Variants in ARHGAP10 observed in about 807,000 individuals in gnomAD.
ARHGAP10 encodes the protein rho GTPase-activating protein 10.
Under a neutral mutation model 108.6 loss-of-function variants are expected in ARHGAP10, and 87 were observed. The observed-to-expected ratio is 0.80, with a 90% CI of 0.67 to 0.96. ARHGAP10 has a LOEUF of 0.96. Ranked by LOEUF, ARHGAP10 falls within the 40% of genes least tolerant of loss-of-function variation. ARHGAP10 has a pLI of 0.00. For missense variants in ARHGAP10, 939 were observed against 954.5 expected (o/e 0.98, Z 0.21); for synonymous variants, 347 against 341.1 (o/e 1.02, Z -0.19).
At chr4:147,996,849 G>A (rs1164852091) in intron 18 of ARHGAP10, among the ~76,000 whole-genome samples, 1 of 152,170 alleles carries the variant, frequency 6.6e-6, no homozygotes, top group Admixed American at 6.5e-5. Flanking sequence ...CAGAGCAAAG[G>A]CCATGTTGTG....
rs553221390 is a variant in ARHGAP10, at chr4:147,873,469, T to C, written c.703-1552T>C. Among the ~76,000 whole-genome samples the C allele has an allele frequency of 4.6e-4, 69 of 150,704 alleles. 1 individual carries two copies. The highest frequency in any genetic ancestry group is 1.5e-3 in the African/African-American group (63 of 40,984). On this transcript the variant is annotated intron_variant, in intron 7 of 22. Coordinates refer to ENST00000336498, the MANE Select transcript of ARHGAP10 (RefSeq NM_024605.4). ...GGGGGGAAATGAGGGTTGATGAGGG[T>C]TGGAAGGAATCTCAGCAAAATGACC...
intron 18 of ARHGAP10, among the ~76,000 whole-genome samples, chr4:147,982,546 C>CTTTTTTTTTTTTTTTTTTTTTTT (rs753773443): frequency 1.5e-5 from 1 of 66,270 alleles, no homozygotes; most frequent in African/African-American, 7.1e-5. Flanking sequence ...CCAGCTAAAT[C>CTTTTTTTTTTTTTTTTTTTTTTT]TTTTTTTTTT....
At chr4:147,810,750 A>C (rs563448941) in intron 1 of ARHGAP10, among the ~76,000 whole-genome samples, 127 of 152,324 alleles carry the variant, frequency 8.3e-4, no homozygotes, top group Admixed American at 2.5e-3. Context: ...GAGGGCCCTC[A>C]GTGACTGTCC....
At chr4:147,978,381 T>C (rs1250702286) in intron 18 of ARHGAP10, among the ~76,000 whole-genome samples, 1 of 152,118 alleles carries the variant, frequency 6.6e-6, no homozygotes, top group African/African-American at 2.4e-5. Context: ...TGGTGTGAGA[T>C]GGTGATATGG....
At chr4:148,070,491 A>C (rs929957670) in intron 22 of ARHGAP10, among the ~76,000 whole-genome samples, 1 of 152,206 alleles carries the variant, frequency 6.6e-6, no homozygotes, top group African/African-American at 2.4e-5. Flanking sequence ...GACAATTAGA[A>C]TTGGATTGTC....
At chr4:147,880,804 TTATCGGTG>T (rs1212128713) in intron 9 of ARHGAP10, among the ~76,000 whole-genome samples, 2 of 152,138 alleles carry the variant, frequency 1.3e-5, no homozygotes, top group Non-Finnish European at 2.9e-5. Context: ...TAATCTAGGG[TTATCGGTG>T]TACTTTTAGG....
intron 1 of ARHGAP10, among the ~76,000 whole-genome samples, chr4:147,785,666 G>A (rs1255554391): frequency 2.0e-5 from 3 of 152,010 alleles, no homozygotes; most frequent in Non-Finnish European, 4.4e-5. Context: ...AAAATACTAA[G>A]CTGCTTGAAG....
intron 1 of ARHGAP10, among the ~76,000 whole-genome samples, chr4:147,785,038 ATG>A (rs1228775862): frequency 7.2e-6 from 1 of 138,152 alleles, no homozygotes; most frequent in Non-Finnish European, 1.5e-5. Flanking sequence ...TAATATATAT[ATG>A]CAGTTGATTC....
At chr4:148,051,573 C>T (rs1729140950) in intron 20 of ARHGAP10, among the ~76,000 whole-genome samples, 1 of 152,214 alleles carries the variant, frequency 6.6e-6, no homozygotes. Context: ...CTCAGAATAG[C>T]TCACTCTAGC....
intron 18 of ARHGAP10, among the ~76,000 whole-genome samples, chr4:148,008,515 G>A (rs1037139961): frequency 1.3e-5 from 2 of 151,198 alleles, no homozygotes; most frequent in Admixed American, 6.6e-5. Flanking sequence ...GGTAGAGGCC[G>A]GGGTGATGTT....
At chr4:148,049,671 A>T (rs2149681895) in intron 20 of ARHGAP10, among the ~76,000 whole-genome samples, 1 of 152,280 alleles carries the variant, frequency 6.6e-6, no homozygotes, top group East Asian at 1.9e-4. Context: ...GGCGCTAAGA[A>T]ATTCAAGTTG....
At chr4:147,748,921 T>C (rs560862906) in intron 1 of ARHGAP10, among the ~76,000 whole-genome samples, 1 of 152,292 alleles carries the variant, frequency 6.6e-6, no homozygotes, top group East Asian at 1.9e-4. Flanking sequence ...ATCATGCCAC[T>C]GTATTCCAGC....
At chr4:147,832,398 C>T (rs2126798859) in intron 3 of ARHGAP10, among the ~76,000 whole-genome samples, 1 of 150,908 alleles carries the variant, frequency 6.6e-6, no homozygotes, top group East Asian at 1.9e-4. Context: ...CCTGTAATCC[C>T]AGCACTTTGG....
At chr4:147,762,939 G>T (rs1488372728) in intron 1 of ARHGAP10, among the ~76,000 whole-genome samples, 1 of 151,978 alleles carries the variant, frequency 6.6e-6, no homozygotes, top group Non-Finnish European at 1.5e-5. Context: ...ATTTGCTAGG[G>T]GTAATGAAGG....
intron 3 of ARHGAP10, among the ~76,000 whole-genome samples, chr4:147,845,902 G>C (rs1038780068): frequency 8.5e-5 from 13 of 152,150 alleles, no homozygotes; most frequent in African/African-American, 3.1e-4. Flanking sequence ...CCTGGCTGGT[G>C]GTGCTTTGTA....
chr4:147,803,981 A>G (rs1203364091), intron 1 of ARHGAP10, among the ~76,000 whole-genome samples: 2 of 148,982 alleles, frequency 1.3e-5, no homozygotes, highest in African/African-American at 5.0e-5. Flanking sequence ...ATCATATGGT[A>G]GTTGTATTTT....
chr4:148,063,231 C>G lies in ARHGAP10; in HGVS notation c.2111C>G (p.Pro704Arg). Reference protein sequence around the residue: ...TTTSSNSAVTPLSPGSSPFPF... With the variant: ...TTTSSNSAVTRLSPGSSPFPF... ...ACAAGCTCCAACTCAGCTGTGACAC[C>G]TCTTTCACCCGGGTCGTCCCCTTTC... is the stretch of plus-strand genomic sequence containing the variant. Residue 704 changes from proline to arginine, a missense_variant, in exon 21 of 23, where the codon CCT (proline) becomes CGT (arginine). Transcript: ENST00000336498. The G allele has an allele frequency of 6.2e-7, 1 of 1,614,180 alleles. No individual in the cohort carries two copies.
chr4:147,845,943 A>G (rs1733612976), intron 3 of ARHGAP10, among the ~76,000 whole-genome samples: 1 of 152,174 alleles, frequency 6.6e-6, no homozygotes, highest in African/African-American at 2.4e-5. Flanking sequence ...GCTGTAGGTC[A>G]CATGGTCTAA....
chr4:148,063,841 G>T (rs997803282), intron 21 of ARHGAP10, among the ~76,000 whole-genome samples: 2 of 152,198 alleles, frequency 1.3e-5, no homozygotes, highest in South Asian at 4.1e-4. Context: ...TTCCATGAAC[G>T]GACACAGAGG....
Sources: allele counts gnomAD v4.1 joint callset (sites outside exome capture counted in the v4.1 genomes callset), GRCh38; gene constraint gnomAD v4.1.1; transcripts MANE v1.5; gene names NCBI Gene and HGNC (gene_info 2026-07-23, HGNC 2026-07-21).